PRKN: variants seen among roughly 807,000 people sequenced by gnomAD.
PRKN encodes the protein parkin RBR E3 ubiquitin protein ligase.
In PRKN, 56 loss-of-function variants were observed where a neutral mutation model predicts 59.5. The ratio of observed to expected loss-of-function variants is 0.94; its 90% CI spans 0.76 to 1.18. The LOEUF (loss-of-function observed/expected upper bound fraction) is 1.18. Ranked by LOEUF, PRKN falls within the 50% of genes most tolerant of loss-of-function variation. The probability of loss-of-function intolerance (pLI) is 0.00; values close to 1 mark genes in which losing one functional copy is unlikely to be tolerated. For missense variants in PRKN, 657 were observed against 596.4 expected, an observed-to-expected ratio of 1.10 and a Z score of -1.06; for synonymous variants, 250 against 222.1, an observed-to-expected ratio of 1.13 and a Z score of -1.12.
intron 1 of PRKN, among the ~76,000 whole-genome samples, chr6:162,577,397 C>G (rs113230685): frequency 6.6e-6 from 1 of 150,376 alleles, no homozygotes; most frequent in Non-Finnish European, 1.5e-5. Context: ...GTCAGGAGTT[C>G]GAGACCAGCC....
chr6:161,942,042 A>G (rs931794540), intron 6 of PRKN, among the ~76,000 whole-genome samples: 1 of 152,208 alleles, frequency 6.6e-6, no homozygotes, highest in Non-Finnish European at 1.5e-5. Flanking sequence ...AACAGAGAAG[A>G]AAACAAAGAT....
intron 1 of PRKN, among the ~76,000 whole-genome samples, chr6:162,656,395 T>C (rs1778640362): frequency 6.6e-6 from 1 of 152,198 alleles, no homozygotes; most frequent in Non-Finnish European, 1.5e-5. Flanking sequence ...TCTGACATTT[T>C]ATGATCTGTG....
chr6:162,540,827 A>T (rs967597425), intron 1 of PRKN, among the ~76,000 whole-genome samples: 5 of 144,284 alleles, frequency 3.5e-5, no homozygotes, highest in African/African-American at 1.2e-4. Flanking sequence ...AAAAAAAATT[A>T]AAAATGATAC....
At chr6:161,714,071 G>A (rs1161015127) in intron 7 of PRKN, among the ~76,000 whole-genome samples, 10 of 152,178 alleles carry the variant, frequency 6.6e-5, no homozygotes, top group South Asian at 2.1e-4. Context: ...CCTCAGGTAT[G>A]TCTTTATTGG....
intron 4 of PRKN, among the ~76,000 whole-genome samples, chr6:162,063,109 G>A (rs575689300): frequency 6.6e-6 from 1 of 152,082 alleles, no homozygotes; most frequent in Non-Finnish European, 1.5e-5. Flanking sequence ...CCACATAAAG[G>A]AATGTATAAA....
intron 7 of PRKN, among the ~76,000 whole-genome samples, chr6:161,572,487 C>T (rs1211943713): frequency 6.6e-6 from 1 of 152,028 alleles, no homozygotes; most frequent in Non-Finnish European, 1.5e-5. Context: ...TGATGAAACG[C>T]TGTTTCTACT....
At chr6:162,182,547 A>C (rs1186922707) in intron 4 of PRKN, among the ~76,000 whole-genome samples, 1 of 152,140 alleles carries the variant, frequency 6.6e-6, no homozygotes, top group Non-Finnish European at 1.5e-5. Context: ...GTGTGCAGGC[A>C]CCCAAGCATC....
intron 1 of PRKN, among the ~76,000 whole-genome samples, chr6:162,626,721 G>A (rs970315590): frequency 2.6e-5 from 4 of 151,546 alleles, no homozygotes; most frequent in Non-Finnish European, 5.9e-5. Context: ...GGCTGAGGCA[G>A]GAGAATTGCT....
Position 161,734,551 on chromosome 6 carries a change from G to C in PRKN, c.871+51221C>G, listed in dbSNP as rs184353537. On this transcript the variant is annotated intron_variant, in intron 7 of 11. Coordinates refer to ENST00000366898, the MANE Select transcript of PRKN (RefSeq NM_004562.3). ...CAGGCCTGGACTTGTGGAAACTGAGGGGTAATACATTTGTGTTAAGTGTGT... is the reference window on the plus strand; with the variant it reads ...CAGGCCTGGACTTGTGGAAACTGAGCGGTAATACATTTGTGTTAAGTGTGT... Among the ~76,000 whole-genome samples, 102 of 152,274 alleles carry C rather than the reference G, an allele frequency of 6.7e-4. 1 individual carries two copies. The Middle Eastern group carries it at 0.01, about 15-fold the overall frequency.
chr6:162,658,792 C>T (rs1562476072), intron 1 of PRKN, among the ~76,000 whole-genome samples: 1 of 150,898 alleles, frequency 6.6e-6, no homozygotes, highest in Non-Finnish European at 1.5e-5. Context: ...TAGGTACTTA[C>T]AATGCCAATA....
At chr6:162,505,741 C>G (rs1793580467) in intron 1 of PRKN, among the ~76,000 whole-genome samples, 1 of 151,992 alleles carries the variant, frequency 6.6e-6, no homozygotes. Context: ...TCAAATGTAC[C>G]CATAATATGT....
At chr6:161,760,321 G>A (rs574998267) in intron 7 of PRKN, among the ~76,000 whole-genome samples, 1 of 148,566 alleles carries the variant, frequency 6.7e-6, no homozygotes, top group Admixed American at 6.7e-5. Flanking sequence ...GGGTATCTGC[G>A]TCCTGGAATT....
intron 1 of PRKN, among the ~76,000 whole-genome samples, chr6:162,482,465 T>G (rs546414468): frequency 6.6e-6 from 1 of 152,282 alleles, no homozygotes; most frequent in South Asian, 2.1e-4. Context: ...TCAAAACACA[T>G]GAGTCTACAT....
chr6:161,372,383 G>A lies in PRKN; in HGVS notation c.1168-12178C>T, dbSNP rs77231539. 0.017 allele frequency among the ~76,000 whole-genome samples: 2,541 copies of A among 152,248 alleles called. 62 individuals carry two copies. The highest frequency in any genetic ancestry group is 0.058 in the African/African-American group (2,420 of 41,524). On this transcript the variant is annotated intron_variant, in intron 10 of 11. Transcript: ENST00000366898. The surrounding 1 kb of genome is among the most constrained non-coding windows in gnomAD (Gnocchi z 4.2). ...ATAGGATGTGAGAGGGGTCAAAGCCGACCACAGAGCCTACCTTTTGTGCAA... is the reference window on the plus strand; with the variant it reads ...ATAGGATGTGAGAGGGGTCAAAGCCAACCACAGAGCCTACCTTTTGTGCAA...
intron 1 of PRKN, among the ~76,000 whole-genome samples, chr6:162,717,824 A>G (rs1778786956): frequency 6.6e-6 from 1 of 152,196 alleles, no homozygotes; most frequent in Non-Finnish European, 1.5e-5. Flanking sequence ...TACCATTGAA[A>G]ATTTATCTGA....
chr6:162,079,371 T>C (rs948490313), intron 4 of PRKN, among the ~76,000 whole-genome samples: 6 of 152,132 alleles, frequency 3.9e-5, no homozygotes, highest in African/African-American at 1.4e-4. Flanking sequence ...AGCTAGCTGT[T>C]GTTCTTGTAA....
chr6:162,452,484 A>G (rs1008059237), intron 1 of PRKN, among the ~76,000 whole-genome samples: 3 of 147,888 alleles, frequency 2.0e-5, no homozygotes, highest in Non-Finnish European at 4.4e-5. Flanking sequence ...CGGGGTAAAT[A>G]TGGGTCTTTT....
chr6:161,366,288 T>C (rs1294757132), intron 10 of PRKN, among the ~76,000 whole-genome samples: 1 of 152,076 alleles, frequency 6.6e-6, no homozygotes, highest in African/African-American at 2.4e-5. Context: ...CTGTAAGCCA[T>C]GGGCAGCAGC....
At chr6:162,227,254 T>A (rs1018084496) in intron 3 of PRKN, among the ~76,000 whole-genome samples, 1 of 152,224 alleles carries the variant, frequency 6.6e-6, no homozygotes. Context: ...ACTCATTGAC[T>A]ATTGCATTCA....
Sources: gnomAD v4.1 joint callset for allele counts (sites outside exome capture counted in the v4.1 genomes callset) on GRCh38, gnomAD v4.1.1 for gene constraint, Gnocchi (gnomAD v3.1) non-coding constraint, MANE v1.5 for transcripts, NCBI Gene and HGNC (gene_info 2026-07-23, HGNC 2026-07-21) for gene names.